DLG2: variants seen among roughly 807,000 people sequenced by gnomAD.
DLG2 encodes disks large homolog 2.
In DLG2, 45 loss-of-function variants were observed where a neutral mutation model predicts 132.5. The observed-to-expected ratio is 0.34, with a 90% CI of 0.27 to 0.44. The LOEUF is 0.44. Ranked by LOEUF, DLG2 falls within the 20% of genes least tolerant of loss-of-function variation. The pLI, the probability that DLG2 is intolerant of heterozygous loss-of-function variation, is 1.00. For synonymous variants in DLG2, 424 were observed against 419.6 expected (o/e 1.01, Z -0.13); for missense variants, 1,045 against 1,196.9 (o/e 0.87, Z 1.87).
intron 6 of DLG2, among the ~76,000 whole-genome samples, chr11:84,714,546 T>C (rs2060827961): frequency 1.3e-5 from 1 of 75,416 alleles, no homozygotes; most frequent in African/African-American, 1.2e-4. Context: ...TTTCTCTTTC[T>C]CTTTCTCTCT....
At chr11:85,131,989 T>A (rs2075750197) in intron 5 of DLG2, among the ~76,000 whole-genome samples, 1 of 152,150 alleles carries the variant, frequency 6.6e-6, no homozygotes, top group Non-Finnish European at 1.5e-5. Context: ...CTATAATTAG[T>A]TTTTCCCAAA....
intron 6 of DLG2, among the ~76,000 whole-genome samples, chr11:84,729,341 G>A (rs1235990482): frequency 6.6e-6 from 1 of 152,006 alleles, no homozygotes; most frequent in African/African-American, 2.4e-5. Context: ...TATTTACCCA[G>A]TAGTCATTAA....
chr11:84,818,489 C>CAATA (rs1213334401), intron 6 of DLG2, among the ~76,000 whole-genome samples: 1 of 151,408 alleles, frequency 6.6e-6, no homozygotes, highest in Non-Finnish European at 1.5e-5. Context: ...TTAACATCTC[C>CAATA]AATAAATATT....
chr11:85,543,017 C>T (rs547056624), intron 3 of DLG2, among the ~76,000 whole-genome samples: 9 of 151,914 alleles, frequency 5.9e-5, no homozygotes, highest in South Asian at 2.1e-4. Flanking sequence ...ATTTAAGTTC[C>T]GGGATACATG....
chr11:84,351,229 T>C (rs1334919123), intron 7 of DLG2, among the ~76,000 whole-genome samples: 2 of 152,184 alleles, frequency 1.3e-5, no homozygotes, highest in African/African-American at 4.8e-5. Context: ...AATTAAAGTT[T>C]TAATTGACTT....
intron 7 of DLG2, among the ~76,000 whole-genome samples, chr11:84,401,088 T>C (rs2098827776): frequency 6.6e-6 from 1 of 152,140 alleles, no homozygotes. Context: ...TCTGTTTCAT[T>C]TTATGGTTGA....
At chr11:85,359,165 T>A (rs1369980862) in intron 3 of DLG2, among the ~76,000 whole-genome samples, 1 of 152,232 alleles carries the variant, frequency 6.6e-6, no homozygotes, top group African/African-American at 2.4e-5. Flanking sequence ...CATGTCCCAA[T>A]GGGTGGAGTT....
chr11:84,486,058 CT>C (rs1440267416), intron 7 of DLG2, among the ~76,000 whole-genome samples: 1 of 152,036 alleles, frequency 6.6e-6, no homozygotes, highest in Non-Finnish European at 1.5e-5. Context: ...ACACATATGC[CT>C]TTTTCCACAA....
chr11:84,548,846 T>C (rs1042020909), intron 6 of DLG2, among the ~76,000 whole-genome samples: 3 of 152,048 alleles, frequency 2.0e-5, no homozygotes, highest in Non-Finnish European at 4.4e-5. Context: ...ATAAAATAGA[T>C]TAAAGTGTAT....
At chr11:83,699,792 T>C (rs2082574351) in intron 18 of DLG2, among the ~76,000 whole-genome samples, 1 of 151,234 alleles carries the variant, frequency 6.6e-6, no homozygotes, top group African/African-American at 2.4e-5. Flanking sequence ...TCCTTTGGTA[T>C]ATAAGAATGG....
chr11:84,691,744 A>C (rs773790052), intron 6 of DLG2, among the ~76,000 whole-genome samples: 16 of 151,646 alleles, frequency 1.1e-4, no homozygotes, highest in Non-Finnish European at 2.1e-4. Flanking sequence ...ACAGCACTCT[A>C]GTTCTTACAA....
intron 3 of DLG2, among the ~76,000 whole-genome samples, chr11:85,382,092 C>G (rs1253841983): frequency 6.6e-6 from 1 of 152,048 alleles, no homozygotes; most frequent in Non-Finnish European, 1.5e-5. Context: ...AAAAGATGAA[C>G]AAAGTTGGAG....
chr11:84,387,112 A>G (rs1321289777), intron 7 of DLG2, among the ~76,000 whole-genome samples: 2 of 151,950 alleles, frequency 1.3e-5, no homozygotes, highest in Non-Finnish European at 2.9e-5. Context: ...AAGTGGTGGA[A>G]GCAGTTGAGT....
At chr11:84,730,212 T>C (rs2062993047) in intron 6 of DLG2, among the ~76,000 whole-genome samples, 1 of 152,066 alleles carries the variant, frequency 6.6e-6, no homozygotes, top group Admixed American at 6.6e-5. Flanking sequence ...ACACTTGCTA[T>C]GCAATTCTGA....
chr11:85,223,604 A>T (rs1350447420), intron 4 of DLG2, among the ~76,000 whole-genome samples: 2 of 152,032 alleles, frequency 1.3e-5, no homozygotes. Context: ...ATGCCACTGC[A>T]CTCCAGTTTG....
chr11:83,649,488 T>C (rs1429173776), intron 18 of DLG2, among the ~76,000 whole-genome samples: 3 of 152,140 alleles, frequency 2.0e-5, no homozygotes, highest in African/African-American at 7.2e-5. Context: ...GCACAGAATG[T>C]CTAGATATTT....
intron 10 of DLG2, among the ~76,000 whole-genome samples, chr11:84,068,179 T>C (rs2096707213): frequency 6.6e-6 from 1 of 152,364 alleles, no homozygotes; most frequent in East Asian, 1.9e-4. Context: ...TAGGAAGAAG[T>C]ATGGGCTTCG....
chr11:85,408,788 G>C (rs1354187837), intron 3 of DLG2, among the ~76,000 whole-genome samples: 1 of 151,422 alleles, frequency 6.6e-6, no homozygotes, highest in Non-Finnish European at 1.5e-5. Context: ...TCTTAATCCA[G>C]TCTATCATTG....
intron 6 of DLG2, among the ~76,000 whole-genome samples, chr11:85,067,918 C>A (rs2065177778): frequency 6.6e-6 from 1 of 151,966 alleles, no homozygotes; most frequent in African/African-American, 2.4e-5. Flanking sequence ...TACTGGCAAA[C>A]CGAATATAGC....
Sources: gnomAD v4.1 joint callset for allele counts (sites outside exome capture counted in the v4.1 genomes callset) on GRCh38, gnomAD v4.1.1 for gene constraint, MANE v1.5 for transcripts, NCBI Gene and HGNC (gene_info 2026-07-23, HGNC 2026-07-21) for gene names.